BBX: variants seen among roughly 807,000 people sequenced by gnomAD.
BBX encodes the protein HMG box transcription factor BBX.
BBX carries 30 observed loss-of-function variants against 100.2 expected under a neutral mutation model. The observed-to-expected ratio is 0.30, with a 90% CI of 0.22 to 0.41. The LOEUF is 0.41. Among genes scored for constraint, BBX ranks in the 10% least tolerant of loss-of-function variants. The pLI is 1.00. For synonymous variants in BBX, 376 were observed against 388.1 expected (o/e 0.97, Z 0.37); for missense variants, 1,023 against 1,129.8 (o/e 0.91, Z 1.35).
At chr3:107,732,000 GA>G (rs1396256944) in intron 6 of BBX, among the ~76,000 whole-genome samples, 1 of 152,082 alleles carries the variant, frequency 6.6e-6, no homozygotes, top group East Asian at 1.9e-4. Flanking sequence ...AGACTTACAG[GA>G]CACAGGTGCC....
chr3:107,601,302 C>G (rs1169062113), intron 2 of BBX, among the ~76,000 whole-genome samples: 1 of 152,134 alleles, frequency 6.6e-6, no homozygotes, highest in Non-Finnish European at 1.5e-5. Flanking sequence ...GTGAAAGGGT[C>G]TCATGTTTCC....
chr3:107,536,648 C>T (rs545810922), intron 2 of BBX, among the ~76,000 whole-genome samples: 7 of 152,092 alleles, frequency 4.6e-5, no homozygotes, highest in African/African-American at 7.2e-5. Flanking sequence ...GGGTAATATT[C>T]GAAGAACTTT....
intron 3 of BBX, among the ~76,000 whole-genome samples, chr3:107,659,057 T>C (rs2058301309): frequency 6.6e-6 from 1 of 152,060 alleles, no homozygotes; most frequent in African/African-American, 2.4e-5. Flanking sequence ...ATCACTACTT[T>C]CCATTTGTTT....
chr3:107,584,144 TATATA>T (rs1364127939), intron 2 of BBX, among the ~76,000 whole-genome samples: 1 of 19,846 alleles, frequency 5.0e-5, no homozygotes, highest in Non-Finnish European at 1.0e-4. Flanking sequence ...ATATATATTA[TATATA>T]ATATATGATA....
At chr3:107,746,883 T>G (rs2107622641) in intron 8 of BBX, among the ~76,000 whole-genome samples, 2 of 152,302 alleles carry the variant, frequency 1.3e-5, no homozygotes, top group East Asian at 3.9e-4. Context: ...TGAAGTGGAT[T>G]TACTGCTTAG....
chr3:107,808,305 A>G lies in BBX; in HGVS notation c.*2848A>G, dbSNP rs2071159817. On this transcript the variant is annotated 3_prime_UTR_variant, in exon 18 of 18. Transcript: ENST00000325805. Reference sequence around the variant, plus strand: ...ATGCTCTTCTGCTTTGTTTTATTCTAAATTGTTGTATCATATCTTTCTGAA... The same window carrying G: ...ATGCTCTTCTGCTTTGTTTTATTCTGAATTGTTGTATCATATCTTTCTGAA... 1.3e-5 allele frequency: 2 copies of G among 152,122 alleles called. No homozygotes were observed. The highest frequency in any genetic ancestry group is 4.8e-5 in the African/African-American group (2 of 41,416). The allele number at this position is 152,122 out of a possible 1,614,324, so 9.4% of individuals were successfully genotyped here.
At position 107,728,816 on chromosome 3, in the gene BBX, A is replaced by G; in HGVS notation, c.457A>G (p.Thr153Ala). The G allele has an allele frequency of 6.2e-7, 1 of 1,613,870 alleles. No individual in the cohort carries two copies. Among genetic ancestry groups the G allele is most frequent in the Non-Finnish European group, 8.5e-7 (1 of 1,179,828 alleles). The change falls in exon 6 of 18, where the codon ACA becomes GCA. Residue 153 changes from threonine to alanine, a missense_variant. Around this residue, in one of 9 missense-constraint regions of BBX, gnomAD observed 229 missense variants for 226.3 expected, o/e 1.01. Transcript: ENST00000325805. ...ANPGYKWCPT[T>A]NKPVKSPTPT... ...TCCTGGCTACAAATGGTGTCCTACC[A>G]CAAACAAGCCTGTGAAATCCCCAAC...
At chr3:107,732,932 G>T in intron 6 of BBX, 24 bp from the exon 7 acceptor site, 2 of 1,597,058 alleles carry the variant, frequency 1.3e-6, no homozygotes, top group Non-Finnish European at 1.7e-6. Flanking sequence ...TTATAAGTTG[G>T]TGATTTGTTT....
intron 3 of BBX, among the ~76,000 whole-genome samples, chr3:107,707,342 A>G (rs1309645341): frequency 1.3e-5 from 2 of 152,172 alleles, no homozygotes; most frequent in African/African-American, 4.8e-5. Flanking sequence ...TGAATTCAGG[A>G]AAGTGTAAGA....
intron 2 of BBX, among the ~76,000 whole-genome samples, chr3:107,584,469 G>A (rs191251841): frequency 6.6e-4 from 98 of 149,604 alleles, no homozygotes; most frequent in Non-Finnish European, 8.6e-4. Context: ...GGTGGGCACC[G>A]GGGATGATAG....
chr3:107,549,654 C>T (rs2049512400), intron 2 of BBX, among the ~76,000 whole-genome samples: 1 of 152,138 alleles, frequency 6.6e-6, no homozygotes, highest in South Asian at 2.1e-4. Flanking sequence ...TGGGAATCTA[C>T]TATTATGCTT....
At position 107,773,201 on chromosome 3, in the gene BBX, G is replaced by A. The variant is rs1180791665; in HGVS notation, c.1480G>A (p.Ala494Thr). ...CGTCATATATACCATTGAAGCCGTCGCAAAAGGAGACTGGGGCATAGAGAA... is the reference window on the plus strand; with the variant it reads ...CGTCATATATACCATTGAAGCCGTCACAAAAGGAGACTGGGGCATAGAGAA... Reference protein sequence around the residue: ...ESVIYTIEAVAKGDWGIEKLG... With the variant: ...ESVIYTIEAVTKGDWGIEKLG... Residue 494 changes from alanine (A) to threonine (T), a missense_variant, in exon 11 of 18, where the codon GCA (alanine) becomes ACA (threonine). Coordinates refer to ENST00000325805, the MANE Select transcript of BBX (RefSeq NM_001142568.3). The surrounding 1 kb of genome is among the most constrained non-coding windows in gnomAD (Gnocchi z 4.1). 4 of 1,614,076 alleles carry A rather than the reference G, an allele frequency of 2.5e-6. No homozygotes were observed. The highest frequency in any genetic ancestry group is 2.2e-5 in the East Asian group (1 of 44,872).
chr3:107,644,972 G>A (rs2057430101), intron 2 of BBX, among the ~76,000 whole-genome samples: 1 of 152,100 alleles, frequency 6.6e-6, no homozygotes, highest in African/African-American at 2.4e-5. Context: ...TAAAATGACT[G>A]ATATTATATT....
At chr3:107,787,544 G>A (rs1189708926) in intron 13 of BBX, among the ~76,000 whole-genome samples, 1 of 152,142 alleles carries the variant, frequency 6.6e-6, no homozygotes, top group African/African-American at 2.4e-5. Context: ...TATTTTTGAG[G>A]TGATGAAATG....
At chr3:107,593,693 A>C (rs548657063) in intron 2 of BBX, among the ~76,000 whole-genome samples, 1 of 152,210 alleles carries the variant, frequency 6.6e-6, no homozygotes, top group Non-Finnish European at 1.5e-5. Flanking sequence ...AATACATAGG[A>C]TGCAACCTAA....
At chr3:107,574,864 C>G (rs548692505) in intron 2 of BBX, among the ~76,000 whole-genome samples, 1 of 152,242 alleles carries the variant, frequency 6.6e-6, no homozygotes, top group Admixed American at 6.5e-5. Flanking sequence ...AGTGGACTTT[C>G]CTGGGTTAGT....
Position 107,657,522 on chromosome 3 carries a change from C to T in BBX, c.-10+11613C>T, listed in dbSNP as rs150009688. Among the ~76,000 whole-genome samples the T allele has an allele frequency of 2.9e-3, 436 of 152,222 alleles. 1 individual carries two copies. The highest frequency in any genetic ancestry group is 4.4e-3 in the Non-Finnish European group (302 of 67,990). Reference sequence around the variant, plus strand: ...TTAATCTACAGAACTTGACAATAGACTGAACTCATTTTGGGGATGTAGAGG... The same window carrying T: ...TTAATCTACAGAACTTGACAATAGATTGAACTCATTTTGGGGATGTAGAGG... On this transcript the variant is annotated intron_variant, in intron 3 of 17. Transcript: ENST00000325805.
At chr3:107,545,603 T>G (rs2049175614) in intron 2 of BBX, among the ~76,000 whole-genome samples, 1 of 152,196 alleles carries the variant, frequency 6.6e-6, no homozygotes, top group Non-Finnish European at 1.5e-5. Flanking sequence ...TCCTTATGTT[T>G]GGAAAAATGG....
At chr3:107,790,608 A>G (rs548831498) in intron 14 of BBX, among the ~76,000 whole-genome samples, 1 of 152,280 alleles carries the variant, frequency 6.6e-6, no homozygotes, top group Non-Finnish European at 1.5e-5. Context: ...AAATCTTCCC[A>G]TCTGGCTCAG....
Sources: allele counts gnomAD v4.1 joint callset (sites outside exome capture counted in the v4.1 genomes callset), GRCh38; gene constraint gnomAD v4.1.1; regional missense constraint gnomAD v4.1.1; non-coding constraint Gnocchi (gnomAD v3.1); transcripts MANE v1.5; gene names NCBI Gene and HGNC (gene_info 2026-07-23, HGNC 2026-07-21).